WDPCP: variants seen among roughly 807,000 people sequenced by gnomAD.
The protein encoded by WDPCP is WD repeat-containing and planar cell polarity effector protein fritz homolog.
WDPCP carries 71 observed loss-of-function variants against 93.1 expected under a neutral mutation model. The ratio of observed to expected loss-of-function variants is 0.76; its 90% CI spans 0.63 to 0.93. WDPCP has a LOEUF of 0.93. WDPCP is among the 40% of genes least tolerant of loss of function. The pLI is 0.00. For missense variants in WDPCP, 844 were observed against 887.4 expected, an observed-to-expected ratio of 0.95 and a Z score of 0.62; for synonymous variants, 315 against 315.0, an observed-to-expected ratio of 1.00 and a Z score of 0.00.
intron 3 of WDPCP, among the ~76,000 whole-genome samples, chr2:63,598,575 A>G (rs1265765466): frequency 1.3e-5 from 2 of 152,360 alleles, no homozygotes; most frequent in Admixed American, 6.5e-5. Context: ...AGATTTTTTA[A>G]GTTGCCCATT....
upstream of WDPCP, among the ~76,000 whole-genome samples, chr2:63,830,957 A>G (rs983574946): frequency 1.3e-5 from 2 of 151,948 alleles, no homozygotes; most frequent in Non-Finnish European, 2.9e-5. Flanking sequence ...TATCTTCTTG[A>G]CCTCTGTCTT....
At position 63,575,386 on chromosome 2, in the gene WDPCP, C is replaced by CAAGGTATAT. The variant is rs1558831532; in HGVS notation, c.75+12810_75+12811insATATACCTT. 1.8e-5 allele frequency among the ~76,000 whole-genome samples: 2 copies of CAAGGTATAT among 108,510 alleles called. 1 individual carries two copies. Among genetic ancestry groups the CAAGGTATAT allele is most frequent in the African/African-American group, 6.6e-5 (2 of 30,182 alleles). The allele number at this position is 108,510 out of a possible 152,430, so 71.2% of individuals were successfully genotyped here. On this transcript the variant is annotated intron_variant, in intron 1 of 17. Coordinates refer to ENST00000272321, the MANE Select transcript of WDPCP (RefSeq NM_015910.7). ...GTATATACAGTATATACAGTATATA[C>CAAGGTATAT]ACGGTATATACAGTATATATACAGT... is the stretch of plus-strand genomic sequence containing the variant.
At chr2:63,836,964 T>C in the WDPCP span, among the ~76,000 whole-genome samples, 1 of 152,244 alleles carries the variant, frequency 6.6e-6, no homozygotes, top group African/African-American at 2.4e-5. Context: ...TAACTATCCA[T>C]AATGTGAACT....
intron 14 of WDPCP, among the ~76,000 whole-genome samples, chr2:63,241,932 T>TA (rs1195452760): frequency 2.6e-5 from 4 of 152,174 alleles, no homozygotes; most frequent in Admixed American, 6.5e-5. Context: ...GAAGATAACA[T>TA]AAAAAATCAA....
intron 17 of WDPCP, among the ~76,000 whole-genome samples, chr2:63,144,086 G>A (rs1173040208): frequency 2.0e-5 from 3 of 152,094 alleles, no homozygotes; most frequent in Non-Finnish European, 4.4e-5. Context: ...TTATTCTTAA[G>A]TTTGGTTGTT....
At chr2:63,202,644 TAGG>T (rs1676003505) in intron 14 of WDPCP, among the ~76,000 whole-genome samples, 1 of 152,172 alleles carries the variant, frequency 6.6e-6, no homozygotes, top group South Asian at 2.1e-4. Context: ...GCTGTGTTAT[TAGG>T]AGATTCCATA....
At chr2:63,670,820 A>G (rs1710336667) in intron 2 of WDPCP, among the ~76,000 whole-genome samples, 1 of 152,100 alleles carries the variant, frequency 6.6e-6, no homozygotes. Flanking sequence ...AAGGGTAGCA[A>G]TCTCTTATTA....
intron 17 of WDPCP, among the ~76,000 whole-genome samples, chr2:63,132,114 G>A (rs1049829362): frequency 2.6e-5 from 4 of 152,070 alleles, no homozygotes; most frequent in Admixed American, 2.6e-4. Context: ...AGGATTACAA[G>A]TGTGAGCCAT....
intron 15 of WDPCP, among the ~76,000 whole-genome samples, chr2:63,160,483 T>C (rs1465779999): frequency 6.6e-6 from 1 of 152,168 alleles, no homozygotes; most frequent in Non-Finnish European, 1.5e-5. Context: ...TGACCACAAT[T>C]CATTAAAATA....
At chr2:63,711,174 T>A (rs1399751367) in intron 2 of WDPCP, among the ~76,000 whole-genome samples, 1 of 152,110 alleles carries the variant, frequency 6.6e-6, no homozygotes, top group East Asian at 1.9e-4. Context: ...GAAGTCAGGA[T>A]AACAGTGGGC....
intron 2 of WDPCP, among the ~76,000 whole-genome samples, chr2:63,742,627 T>C (rs1669741037): frequency 6.6e-6 from 1 of 150,440 alleles, no homozygotes. Context: ...TAAATTCTAA[T>C]GATATTATCT....
intron 1 of WDPCP, among the ~76,000 whole-genome samples, chr2:63,535,432 G>A (rs1453397590): frequency 6.6e-6 from 1 of 152,190 alleles, no homozygotes; most frequent in Non-Finnish European, 1.5e-5. Flanking sequence ...AACAGAGCTG[G>A]AGGCATCACG....
chr2:63,233,512 A>AACTT (rs1679112708), intron 14 of WDPCP: 1 of 175,836 alleles, frequency 5.7e-6, no homozygotes, highest in Non-Finnish European at 1.2e-5. Context: ...CAATCGGTAA[A>AACTT]ACTTCTTCTA....
intron 6 of WDPCP, among the ~76,000 whole-genome samples, chr2:63,446,793 G>A (rs918648223): frequency 5.3e-5 from 8 of 152,176 alleles, no homozygotes; most frequent in Admixed American, 3.3e-4. Context: ...TAGCTTGAAA[G>A]AAATATCTTG....
intron 3 of WDPCP, among the ~76,000 whole-genome samples, chr2:63,623,964 C>G (rs141865438): frequency 2.0e-5 from 3 of 152,274 alleles, no homozygotes; most frequent in Non-Finnish European, 2.9e-5. Flanking sequence ...TGCAAAAGAA[C>G]AGAAATCATA....
chr2:63,779,990 ATAGT>A (rs1363906124), intron 2 of WDPCP, among the ~76,000 whole-genome samples: 1 of 152,178 alleles, frequency 6.6e-6, no homozygotes, highest in Non-Finnish European at 1.5e-5. Context: ...AATTTATCAA[ATAGT>A]TAGGGTTCTT....
At position 63,301,357 on chromosome 2, in the gene WDPCP, C is replaced by T. The variant is rs546126716; in HGVS notation, c.1812+11891G>A. 1.0e-3 allele frequency among the ~76,000 whole-genome samples: 157 copies of T among 152,150 alleles called. 3 individuals carry two copies. Among genetic ancestry groups the T allele is most frequent in the Non-Finnish European group, 5.7e-4 (39 of 68,040 alleles). On this transcript the variant is annotated intron_variant, in intron 13 of 17. Transcript: ENST00000272321. ...CCTGTTCTGCCTCCAATTAGAGTGG[C>T]ACTTAATTAGTAAGGGGATTTTAAG...
chr2:63,462,761 A>C (rs1381518081), intron 6 of WDPCP, among the ~76,000 whole-genome samples: 1 of 152,154 alleles, frequency 6.6e-6, no homozygotes, highest in East Asian at 1.9e-4. Context: ...TGGATAAAGA[A>C]GAGGATAATT....
chr2:63,514,921 A>T (rs1408865234), intron 1 of WDPCP, among the ~76,000 whole-genome samples: 1 of 152,084 alleles, frequency 6.6e-6, no homozygotes, highest in Non-Finnish European at 1.5e-5. Context: ...TTTCAAGAAA[A>T]ATTAGCCAGG....
Sources: allele counts gnomAD v4.1 joint callset (sites outside exome capture counted in the v4.1 genomes callset), GRCh38; gene constraint gnomAD v4.1.1; transcripts MANE v1.5; gene names NCBI Gene and HGNC (gene_info 2026-07-23, HGNC 2026-07-21).